Variants in HSD17B4 observed in about 807,000 individuals in gnomAD.
HSD17B4 encodes the protein hydroxysteroid 17-beta dehydrogenase 4, also known as peroxisomal multifunctional enzyme type 2.
Under a neutral mutation model 101.0 loss-of-function variants are expected in HSD17B4, and 70 were observed. That is an observed-to-expected ratio of 0.69 (90% CI 0.57 to 0.85). The LOEUF (loss-of-function observed/expected upper bound fraction) is 0.85, where lower values mean the gene tolerates loss of function less well. HSD17B4 is among the 40% of genes least tolerant of loss of function. The probability of loss-of-function intolerance (pLI) is 0.00; values close to 1 mark genes in which losing one functional copy is unlikely to be tolerated. For missense variants in HSD17B4, 984 were observed against 892.4 expected (o/e 1.10, Z -1.31); for synonymous variants, 347 against 297.1 (o/e 1.17, Z -1.73).
chr5:119,504,097 C>T (rs1408514831), intron 14 of HSD17B4, among the ~76,000 whole-genome samples: 8 of 152,134 alleles, frequency 5.3e-5, no homozygotes, highest in African/African-American at 1.9e-4. Flanking sequence ...CATGTTGCTG[C>T]GGAGCACATG....
chr5:119,471,645 T>A, intron 2 of HSD17B4: 1 of 1,372,822 alleles, frequency 7.3e-7, no homozygotes, highest in South Asian at 1.6e-5. Context: ...GCTTTCAAAA[T>A]CTATGCAATA....
intron 8 of HSD17B4, among the ~76,000 whole-genome samples, chr5:119,483,428 CA>C (rs1255074064): frequency 2.6e-5 from 4 of 152,252 alleles, no homozygotes; most frequent in African/African-American, 9.6e-5. Context: ...ATGGAAGTAA[CA>C]ACTTCCAAGC....
At chr5:119,520,301 TCTTAGTG>T (rs1393726675) in intron 17 of HSD17B4, among the ~76,000 whole-genome samples, 1 of 151,982 alleles carries the variant, frequency 6.6e-6, no homozygotes, top group Non-Finnish European at 1.5e-5. Context: ...ATATCTGGGG[TCTTAGTG>T]CTAGCTGTTG....
chr5:119,520,551 T>G (rs1486146389), intron 17 of HSD17B4, among the ~76,000 whole-genome samples: 1 of 152,246 alleles, frequency 6.6e-6, no homozygotes, highest in Non-Finnish European at 1.5e-5. Flanking sequence ...GATTTCTGAA[T>G]TGCAGTCTGG....
At chr5:119,457,125 T>C (rs1413634408) in intron 2 of HSD17B4, among the ~76,000 whole-genome samples, 1 of 152,202 alleles carries the variant, frequency 6.6e-6, no homozygotes, top group Non-Finnish European at 1.5e-5. Context: ...ACTGATCTAA[T>C]GTGCTTGACA....
chr5:119,487,522 G>C (rs1196851719), intron 8 of HSD17B4: 1 of 151,952 alleles, frequency 6.6e-6, no homozygotes, highest in Admixed American at 6.6e-5. Flanking sequence ...GAGTTTAATA[G>C]ATGCTGGCTA....
intron 19 of HSD17B4, among the ~76,000 whole-genome samples, 196 bp from the exon 20 acceptor site, chr5:119,526,937 G>T (rs1231795344): frequency 6.6e-6 from 1 of 151,730 alleles, no homozygotes; most frequent in East Asian, 1.9e-4. Flanking sequence ...ACAAAGAATT[G>T]GCTTACTTAT....
chr5:119,486,617 A>G (rs893696248), intron 8 of HSD17B4, among the ~76,000 whole-genome samples: 2 of 152,180 alleles, frequency 1.3e-5, no homozygotes, highest in Non-Finnish European at 2.9e-5. Flanking sequence ...TAAGATTTAT[A>G]TAAAGCTGTA....
chr5:119,452,590 G>A lies in HSD17B4; in HGVS notation c.15G>A (p.Leu5=), dbSNP rs969042234. Residue 5 remains leucine (L), a synonymous_variant, in exon 1 of 24, where the codon CTG becomes CTA. Coordinates refer to ENST00000510025, the MANE Select transcript of HSD17B4 (RefSeq NM_000414.4). MGSP[L]RFDGRVVLVT... is the part of the protein sequence containing the mutation. Reference sequence around the variant, plus strand: ...AGGCCTTATTCATGGGCTCACCGCTGAGGTTCGACGGGCGGGTGGTACTGG... The same window carrying A: ...AGGCCTTATTCATGGGCTCACCGCTAAGGTTCGACGGGCGGGTGGTACTGG... 6 of 1,613,954 alleles carry A rather than the reference G, an allele frequency of 3.7e-6. No individual in the cohort carries two copies. Among genetic ancestry groups the A allele is most frequent in the Non-Finnish European group, 4.2e-6 (5 of 1,180,012 alleles).
chr5:119,513,497 C>T (rs1371548063), intron 16 of HSD17B4, among the ~76,000 whole-genome samples: 2 of 152,234 alleles, frequency 1.3e-5, no homozygotes, highest in East Asian at 3.9e-4. Flanking sequence ...GATCCTCCTG[C>T]CTCAGCCTCC....
At chr5:119,481,495 T>G (rs1177690335) in intron 8 of HSD17B4, among the ~76,000 whole-genome samples, 1 of 152,200 alleles carries the variant, frequency 6.6e-6, no homozygotes, top group African/African-American at 2.4e-5. Context: ...TGATTGTAGA[T>G]CACCACAATA....
rs6149207 is a variant in HSD17B4, at chr5:119,526,284, A to ATATATATATATG, written c.1680+272_1680+273insGTATATATATAT. Among the ~76,000 whole-genome samples the ATATATATATATG allele has an allele frequency of 0.62, 91,452 of 147,970 alleles. 28,810 individuals carry two copies. Among genetic ancestry groups the ATATATATATATG allele is most frequent in the East Asian group, 0.92 (4,670 of 5,074 alleles). On this transcript the variant is annotated intron_variant, in intron 19 of 23. Transcript: ENST00000510025. ...TATAAATTAATTAGGTGCATATATTATATATATATATATCAGTACGTATGC... is the reference window on the plus strand; with the variant it reads ...TATAAATTAATTAGGTGCATATATTATATATATATATGTATATATATATATCAGTACGTATGC...
At chr5:119,456,467 G>A (rs1754676599) in intron 2 of HSD17B4, 99 bp downstream of exon 2, 4 of 857,910 alleles carry the variant, frequency 4.7e-6, no homozygotes, top group Non-Finnish European at 7.9e-6. Context: ...TGTCAAGGTT[G>A]AATTTTATTA....
chr5:119,461,152 C>T (rs934277404), intron 2 of HSD17B4, among the ~76,000 whole-genome samples: 6 of 152,088 alleles, frequency 3.9e-5, no homozygotes, highest in Non-Finnish European at 2.9e-5. Flanking sequence ...TATTGATGCT[C>T]AGATATGAAC....
chr5:119,459,846 C>G (rs116036642), intron 2 of HSD17B4, among the ~76,000 whole-genome samples: 1 of 151,614 alleles, frequency 6.6e-6, no homozygotes, highest in African/African-American at 2.4e-5. Flanking sequence ...CCTCACAATT[C>G]AATCACTTTT....
At chr5:119,516,868 T>C (rs1291762008) in intron 17 of HSD17B4, among the ~76,000 whole-genome samples, 1 of 152,250 alleles carries the variant, frequency 6.6e-6, no homozygotes, top group Non-Finnish European at 1.5e-5. Context: ...ATTTGTAGTA[T>C]AGGTGTAACA....
chr5:119,499,223 T>C, intron 12 of HSD17B4, 94 bp from the exon 13 acceptor site: 1 of 789,736 alleles, frequency 1.3e-6, no homozygotes, highest in Non-Finnish European at 2.2e-6. Context: ...AACATTCTAG[T>C]CACATCTATT....
chr5:119,523,018 G>A (rs1410673164), intron 17 of HSD17B4, among the ~76,000 whole-genome samples: 1 of 150,254 alleles, frequency 6.7e-6, no homozygotes, highest in Non-Finnish European at 1.5e-5. Flanking sequence ...AGTTAGCACT[G>A]ATAGAAAAGT....
intron 20 of HSD17B4, among the ~76,000 whole-genome samples, chr5:119,529,657 T>C (rs1325624100): frequency 1.3e-5 from 2 of 152,158 alleles, no homozygotes; most frequent in Non-Finnish European, 2.9e-5. Context: ...GTTTGTTTGT[T>C]TTAAAGGGCT....
Sources: allele counts gnomAD v4.1 joint callset (sites outside exome capture counted in the v4.1 genomes callset), GRCh38; gene constraint gnomAD v4.1.1; transcripts MANE v1.5; gene names NCBI Gene and HGNC (gene_info 2026-07-23, HGNC 2026-07-21).